Variants in MAP4 observed in about 807,000 individuals in gnomAD.
MAP4 encodes the protein microtubule associated protein 4.
In MAP4, 76 loss-of-function variants were observed where a neutral mutation model predicts 170.2. The ratio of observed to expected loss-of-function variants is 0.45; its 90% confidence interval spans 0.37 to 0.54. The LOEUF (loss-of-function observed/expected upper bound fraction) is 0.54, where lower values mean the gene tolerates loss of function less well. Ranked by LOEUF, MAP4 falls within the 20% of genes least tolerant of loss-of-function variation. The probability of loss-of-function intolerance (pLI) is 0.00; values close to 1 mark genes in which losing one functional copy is unlikely to be tolerated. For synonymous variants in MAP4, 909 were observed against 994.5 expected (o/e 0.91, Z 1.62); for missense variants, 2,506 against 2,748.0 (o/e 0.91, Z 1.97).
In MAP4 at chr3:47,855,112, G is replaced by A. The variant is rs1576589695; in HGVS notation, c.6696+136C>T. ...ACTGATGATACACGGTGGGAAAACG[G>A]CAATGGTGTGGGTGAAGACATGACT... On this transcript the variant is annotated intron_variant, in intron 19 of 20. Transcript: ENST00000683076. This position sits in a 1 kb window ranked among gnomAD's most constrained non-coding sequence, Gnocchi z 5.1. 2 of 645,574 alleles carry A rather than the reference G, an allele frequency of 3.1e-6. No individual in the cohort carries two copies. The highest frequency in any genetic ancestry group is 5.6e-6 in the Non-Finnish European group (2 of 354,814). 40.0% of individuals were successfully genotyped at this position (645,574 alleles called of 1,614,324 possible).
chr3:47,984,735 G>A lies in MAP4; in HGVS notation c.224-6802C>T, dbSNP rs374302400. On this transcript the variant is annotated intron_variant, in intron 2 of 20. Transcript: ENST00000683076. The stretch of plus-strand genomic sequence containing the variant: ...TGGTGGCTCAGCACTTTGGGAGACC[G>A]AGGCAGGCAGATCACATGAGGTCAG... Among the ~76,000 whole-genome samples the A allele has an allele frequency of 8.8e-4, 134 of 151,968 alleles. 1 individual carries two copies. The Middle Eastern group carries it at 0.014, about 16-fold the overall frequency.
chr3:48,006,530 A>T (rs1425215429), intron 1 of MAP4, among the ~76,000 whole-genome samples: 1 of 152,220 alleles, frequency 6.6e-6, no homozygotes, highest in African/African-American at 2.4e-5. Flanking sequence ...ATTGGCATAG[A>T]CATACTTAGC....
intron 1 of MAP4, among the ~76,000 whole-genome samples, chr3:48,078,199 T>C (rs1393071315): frequency 6.6e-6 from 1 of 152,118 alleles, no homozygotes; most frequent in Non-Finnish European, 1.5e-5. Flanking sequence ...CAGGCTAGAG[T>C]GCACGATCAT....
chr3:47,928,122 G>C, intron 4 of MAP4, 106 bp downstream of exon 4: 1 of 1,358,674 alleles, frequency 7.4e-7, no homozygotes, highest in South Asian at 1.4e-5. Context: ...GTTGTACTTT[G>C]TGATCTATAC....
Position 47,909,997 on chromosome 3 carries a change from T to C in MAP4, c.4424A>G (p.Lys1475Arg), listed in dbSNP as rs1452562076. The C allele has an allele frequency of 1.6e-5, 26 of 1,614,034 alleles. No homozygotes were observed. Among genetic ancestry groups the C allele is most frequent in the Middle Eastern group, 1.6e-4 (1 of 6,062 alleles). The change falls in exon 9 of 21, where the codon AAA becomes AGA. Residue 1475 changes from lysine (K) to arginine (R), a missense_variant. Around this residue, in one of 3 missense-constraint regions of MAP4, gnomAD observed 2,008 missense variants for 2,206.0 expected, o/e 0.91. Coordinates refer to ENST00000683076, the MANE Select transcript of MAP4 (RefSeq NM_001385682.1). ...GGTGTAGTTATCTACCATTAATGAT[T>C]TGGAAATCTGGGCTGGGGCTATCTC... The part of the protein sequence containing the change: ...GQEIAPAQIS[K>R]SLMVDNYTKD...
chr3:48,032,298 C>T (rs987508831), intron 1 of MAP4, among the ~76,000 whole-genome samples: 52 of 151,892 alleles, frequency 3.4e-4, no homozygotes, highest in African/African-American at 1.2e-3. Context: ...AGTTCGCGAG[C>T]GGCCTGGCCA....
At position 47,917,129 on chromosome 3, in the gene MAP4, C is replaced by A. The variant is rs537128267; in HGVS notation, c.698G>T (p.Arg233Met). 6.2e-7 allele frequency: 1 copy of A among 1,613,846 alleles called. No individual in the cohort carries two copies. ...TATTTCCAATGCTTGTGCTGGTGGC[C>A]TCTCTTCTGATGCCATTTCTATCTC... ...AKEIEMASEERPPAQALEIMM... is the reference protein window; with the variant it reads ...AKEIEMASEEMPPAQALEIMM... Residue 233 changes from arginine (R) to methionine (M), a missense_variant, in exon 7 of 21, where the codon AGG becomes ATG. Physicochemically the swap from Arg to Met is moderately conservative, Grantham distance 91. Around this residue, in one of 3 missense-constraint regions of MAP4, gnomAD observed 2,008 missense variants for 2,206.0 expected, o/e 0.91. Coordinates refer to ENST00000683076, the MANE Select transcript of MAP4 (RefSeq NM_001385682.1).
chr3:47,947,324 G>A (rs544860236), intron 3 of MAP4, among the ~76,000 whole-genome samples: 34 of 152,282 alleles, frequency 2.2e-4, no homozygotes, highest in East Asian at 1.7e-3. Context: ...CTGGCACCCA[G>A]CTGGACTTGT....
At chr3:48,081,835 A>G (rs1273940782) in intron 1 of MAP4, among the ~76,000 whole-genome samples, 1 of 152,170 alleles carries the variant, frequency 6.6e-6, no homozygotes, top group Non-Finnish European at 1.5e-5. Flanking sequence ...TGGTTTCCAA[A>G]TACTCTTCTC....
intron 1 of MAP4, among the ~76,000 whole-genome samples, chr3:48,075,206 C>T (rs2100143219): frequency 6.6e-6 from 1 of 152,106 alleles, no homozygotes; most frequent in South Asian, 2.1e-4. Context: ...ATGGTACTGG[C>T]ATAGACGTAC....
chr3:48,054,392 G>GCTT (rs2100129523), intron 1 of MAP4, among the ~76,000 whole-genome samples: 2 of 152,032 alleles, frequency 1.3e-5, no homozygotes, highest in South Asian at 4.1e-4. Context: ...GGAGGCCAAG[G>GCTT]TGGGTGGATC....
At chr3:48,056,487 T>TG (rs755089734) in intron 1 of MAP4, among the ~76,000 whole-genome samples, 18 of 13,254 alleles carry the variant, frequency 1.4e-3, no homozygotes, top group Non-Finnish European at 2.4e-3. Flanking sequence ...GGGAGGGAGG[T>TG]GGGGGGGGTC....
At chr3:48,074,676 T>TTG (rs555691222) in intron 1 of MAP4, among the ~76,000 whole-genome samples, 7,125 of 89,972 alleles carry the variant, frequency 0.079, 275 homozygotes, top group Middle Eastern at 0.1. Context: ...ATCCAGCTAA[T>TTG]TGTGTGTGTG....
In MAP4 at chr3:47,912,199, T is replaced by C. The variant is rs1289264350; in HGVS notation, c.2222A>G (p.Lys741Arg). Residue 741 changes from lysine to arginine, a missense_variant, in exon 9 of 21, where the codon AAA becomes AGA. Physicochemically the swap from Lys to Arg is conservative, Grantham distance 26 (BLOSUM62 2). Coordinates refer to ENST00000683076, the MANE Select transcript of MAP4 (RefSeq NM_001385682.1). ...TTCAAGTGAGTCAACATGAATACTT[T>C]TTCTTTGGTTCCCAGGCCCACCACA... The part of the protein sequence containing the change: ...SSCGGPGNQR[K>R]SIHVDSLEPQ... The C allele has an allele frequency of 6.5e-7, 1 of 1,536,040 alleles. No homozygotes were observed. The highest frequency in any genetic ancestry group is 1.4e-5 in the African/African-American group (1 of 73,044).
chr3:48,080,382 A>G (rs1347889900), intron 1 of MAP4, among the ~76,000 whole-genome samples: 2 of 152,224 alleles, frequency 1.3e-5, no homozygotes, highest in African/African-American at 4.8e-5. Context: ...AAGTCCAGAA[A>G]AAGAATTGTT....
chr3:47,951,640 G>A (rs1021723808), intron 3 of MAP4, among the ~76,000 whole-genome samples: 4 of 152,124 alleles, frequency 2.6e-5, no homozygotes, highest in Middle Eastern at 3.2e-3. Context: ...ACGGAGTCTC[G>A]TTCACTCAGT....
In MAP4 at chr3:48,055,417, GC is replaced by G. The variant is rs563819779; in HGVS notation, c.-20+33355del. Among the ~76,000 whole-genome samples the G allele has an allele frequency of 2.4e-3, 368 of 151,944 alleles. 1 individual carries two copies. Among genetic ancestry groups the G allele is most frequent in the African/African-American group, 8.4e-3 (349 of 41,468 alleles). The stretch of plus-strand genomic sequence containing the variant: ...GACGGGGTTTCGCTGTGTTGGCCGG[GC>G]CGGTCTCCAGCCCCTAACCGCGAGT... On this transcript the variant is annotated intron_variant, in intron 1 of 18. Transcript: ENST00000360240.
chr3:47,926,427 G>A (rs184852236), intron 4 of MAP4, among the ~76,000 whole-genome samples: 2,270 of 151,980 alleles, frequency 0.015, 55 homozygotes, highest in Non-Finnish European at 0.013. Context: ...CAGGTGATCC[G>A]CCTGCCTCGG....
chr3:47,955,439 C>CGT (rs1274843962), intron 3 of MAP4, among the ~76,000 whole-genome samples: 4 of 60,050 alleles, frequency 6.7e-5, no homozygotes, highest in Non-Finnish European at 1.6e-4. Flanking sequence ...AGCACGTACA[C>CGT]ACACACACAC....
Sources: allele counts gnomAD v4.1 joint callset (sites outside exome capture counted in the v4.1 genomes callset), GRCh38; gene constraint gnomAD v4.1.1; regional missense constraint gnomAD v4.1.1; non-coding constraint Gnocchi (gnomAD v3.1); transcripts MANE v1.5; gene names NCBI Gene and HGNC (gene_info 2026-07-23, HGNC 2026-07-21).